The following GRXCR1 variants were observed in gnomAD, a reference collection of about 807,000 sequenced individuals.
GRXCR1 encodes the protein glutaredoxin domain-containing cysteine-rich protein 1.
A neutral mutation model predicts 27.3 loss-of-function variants in GRXCR1; 27 were observed. The ratio of observed to expected loss-of-function variants is 0.99; its 90% confidence interval spans 0.73 to 1.37. GRXCR1 has a LOEUF of 1.37. Ranked by LOEUF, GRXCR1 falls within the 40% of genes most tolerant of loss-of-function variation. The pLI is 0.00. For synonymous variants in GRXCR1, 122 were observed against 131.1 expected (o/e 0.93, Z 0.47); for missense variants, 379 against 354.4 (o/e 1.07, Z -0.56).
chr4:42,981,458 A>G (rs1113222), intron 2 of GRXCR1, among the ~76,000 whole-genome samples: 7,170 of 152,272 alleles, frequency 0.047, 214 homozygotes, highest in African/African-American at 0.078. Context: ...CTTCATATGA[A>G]AGATATAAGT....
chr4:42,901,078 T>G (rs1746449763), intron 1 of GRXCR1, among the ~76,000 whole-genome samples: 1 of 152,146 alleles, frequency 6.6e-6, no homozygotes, highest in African/African-American at 2.4e-5. Context: ...AATATCCCCT[T>G]TTTAAGGACC....
intron 3 of GRXCR1, among the ~76,000 whole-genome samples, chr4:43,029,756 C>T (rs942852691): frequency 2.0e-4 from 31 of 152,086 alleles, no homozygotes; most frequent in African/African-American, 5.8e-4. Context: ...TAATGATGCT[C>T]GAATTAAGTC....
chr4:42,940,074 T>A (rs867311791), intron 1 of GRXCR1, among the ~76,000 whole-genome samples: 2 of 152,004 alleles, frequency 1.3e-5, no homozygotes, highest in Non-Finnish European at 1.5e-5. Context: ...CAGTGATTAT[T>A]CTATTTCTGC....
intron 1 of GRXCR1, among the ~76,000 whole-genome samples, chr4:42,901,988 T>C (rs987524497): frequency 6.6e-6 from 1 of 152,226 alleles, no homozygotes; most frequent in Non-Finnish European, 1.5e-5. Context: ...CTGTTTTGTG[T>C]GTTTCCTTTC....
At chr4:42,987,277 T>TAATATATATATATATATAG (rs1553943958) in intron 2 of GRXCR1, among the ~76,000 whole-genome samples, 2 of 104,272 alleles carry the variant, frequency 1.9e-5, no homozygotes, top group African/African-American at 3.6e-5. Flanking sequence ...TATATATATA[T>TAATATATATATATATATAG]AGAGAGAGAG....
chr4:42,995,989 T>C (rs1353303430), intron 2 of GRXCR1, among the ~76,000 whole-genome samples: 3 of 152,206 alleles, frequency 2.0e-5, no homozygotes, highest in African/African-American at 7.2e-5. Context: ...AATATAAGCA[T>C]ATGAGTTTTC....
chr4:43,030,263 T>C (rs1713379607), intron 3 of GRXCR1, 98 bp from the exon 4 acceptor site: 3 of 1,065,692 alleles, frequency 2.8e-6, no homozygotes, highest in Non-Finnish European at 4.4e-6. Flanking sequence ...CAATATTGCT[T>C]TATGACCACT....
At chr4:43,011,498 C>G (rs1005005345) in intron 2 of GRXCR1, among the ~76,000 whole-genome samples, 4 of 152,274 alleles carry the variant, frequency 2.6e-5, no homozygotes, top group South Asian at 4.1e-4. Flanking sequence ...CCCCATGACC[C>G]TTAGACCTAG....
chr4:42,963,305 C>T (rs1412089690), intron 2 of GRXCR1, among the ~76,000 whole-genome samples, 171 bp downstream of exon 2: 1 of 151,940 alleles, frequency 6.6e-6, no homozygotes, highest in Non-Finnish European at 1.5e-5. Context: ...TGAGCTGCCA[C>T]AGTGCTCCTC....
At chr4:42,961,266 T>C (rs1268519940) in intron 1 of GRXCR1, among the ~76,000 whole-genome samples, 1 of 152,022 alleles carries the variant, frequency 6.6e-6, no homozygotes, top group Admixed American at 6.6e-5. Context: ...GGCATTTTGG[T>C]TGATTTCACG....
chr4:42,902,939 T>C (rs1746495162), intron 1 of GRXCR1, among the ~76,000 whole-genome samples: 1 of 152,160 alleles, frequency 6.6e-6, no homozygotes, highest in African/African-American at 2.4e-5. Context: ...CAAGGGGTCA[T>C]CTTAATTCCT....
chr4:43,003,635 G>T (rs1280971034), intron 2 of GRXCR1, among the ~76,000 whole-genome samples: 1 of 152,204 alleles, frequency 6.6e-6, no homozygotes, highest in Non-Finnish European at 1.5e-5. Context: ...CAAAGAGACT[G>T]GTGGCATTGT....
In GRXCR1 at chr4:42,963,871, C is replaced by G. The variant is rs150849894; in HGVS notation, c.627+737C>G. On this transcript the variant is annotated intron_variant, in intron 2 of 3. Coordinates refer to ENST00000399770, the MANE Select transcript of GRXCR1 (RefSeq NM_001080476.3). ...AGTTTAGGAGCTGACTACATGATCA[C>G]TTATCACAGAACAGAGACCGTCGAA... Among the ~76,000 whole-genome samples, 404 of 152,088 alleles carry G rather than the reference C, an allele frequency of 2.7e-3. 3 individuals carry two copies. Among genetic ancestry groups the G allele is most frequent in the African/African-American group, 9.4e-3 (389 of 41,532 alleles).
intron 1 of GRXCR1, among the ~76,000 whole-genome samples, chr4:42,950,766 C>T (rs1273013816): frequency 6.6e-6 from 1 of 152,068 alleles, no homozygotes; most frequent in African/African-American, 2.4e-5. Flanking sequence ...AAAACCTAGT[C>T]CTGGAAAAGT....
In GRXCR1 at chr4:42,893,613, G is replaced by T. The variant is rs562054095; in HGVS notation, c.347G>T (p.Gly116Val). 6 of 1,613,438 alleles carry T rather than the reference G, an allele frequency of 3.7e-6. No individual in the cohort carries two copies. Among genetic ancestry groups the T allele is most frequent in the Non-Finnish European group, 5.1e-6 (6 of 1,179,728 alleles). The change falls in exon 1 of 4, where the codon GGC becomes GTC. Residue 116 changes from glycine to valine, a missense_variant. Coordinates refer to ENST00000399770, the MANE Select transcript of GRXCR1 (RefSeq NM_001080476.3). ...GGCGTCAAATACAAAGTGAGTGCTG[G>T]CCAGGCTCTATTTAACAATTTGACC... is the stretch of plus-strand genomic sequence containing the variant. ...VRGVKYKVSA[G>V]QALFNNLTKV...
At chr4:42,910,438 A>T (rs1393827702) in intron 1 of GRXCR1, among the ~76,000 whole-genome samples, 1 of 152,100 alleles carries the variant, frequency 6.6e-6, no homozygotes, top group African/African-American at 2.4e-5. Context: ...ACTTTCTCTC[A>T]TTTTTCTAAA....
chr4:43,014,343 C>G (rs1002012483), intron 2 of GRXCR1, among the ~76,000 whole-genome samples: 4 of 152,076 alleles, frequency 2.6e-5, no homozygotes, highest in African/African-American at 4.8e-5. Flanking sequence ...GGCCCATCTC[C>G]AAGCAGAGTT....
At chr4:43,009,019 A>G (rs1425066433) in intron 2 of GRXCR1, among the ~76,000 whole-genome samples, 1 of 152,188 alleles carries the variant, frequency 6.6e-6, no homozygotes, top group Non-Finnish European at 1.5e-5. Flanking sequence ...TATCCATGGA[A>G]ATATCAAAGG....
Position 42,906,500 on chromosome 4 carries a change from T to A in GRXCR1, c.384+12850T>A, listed in dbSNP as rs1176000330. The stretch of plus-strand genomic sequence containing the variant: ...CTCTTTGCCTGGGATGCCAGTCACC[T>A]CAGGGGCTCCACAGTTAGTGAGCTG... On this transcript the variant is annotated intron_variant, in intron 1 of 3. Coordinates refer to ENST00000399770, the MANE Select transcript of GRXCR1 (RefSeq NM_001080476.3). Among the ~76,000 whole-genome samples, 3 of 152,112 alleles carry A rather than the reference T, an allele frequency of 2.0e-5. No homozygotes were observed. In the East Asian group the frequency reaches 5.8e-4, roughly 29 times the overall value.
Sources: gnomAD v4.1 joint callset for allele counts (sites outside exome capture counted in the v4.1 genomes callset) on GRCh38, gnomAD v4.1.1 for gene constraint, MANE v1.5 for transcripts, NCBI Gene and HGNC (gene_info 2026-07-23, HGNC 2026-07-21) for gene names.